Variants in EVL observed in about 807,000 individuals in gnomAD.
EVL encodes Enah/Vasp-like.
In EVL, 21 loss-of-function variants were observed where a neutral mutation model predicts 59.6. The observed-to-expected ratio is 0.35, with a 90% CI of 0.25 to 0.51. The LOEUF is 0.51. Ranked by LOEUF, EVL falls within the 20% of genes least tolerant of loss-of-function variation. The pLI, the probability that EVL is intolerant of heterozygous loss-of-function variation, is 0.97. For synonymous variants in EVL, 198 were observed against 203.5 expected, an observed-to-expected ratio of 0.97 and a Z score of 0.23; for missense variants, 462 against 546.6, an observed-to-expected ratio of 0.85 and a Z score of 1.54.
Position 100,047,683 on chromosome 14 carries a change from C to T in EVL, c.6-37004C>T, listed in dbSNP as rs2061576378. Reference sequence around the variant, plus strand: ...ATTTGTGTAGCCTGGGTTACACATTCTGCAACCTATATCACGGAATAAACC... The same window carrying T: ...ATTTGTGTAGCCTGGGTTACACATTTTGCAACCTATATCACGGAATAAACC... On this transcript the variant is annotated intron_variant, in intron 1 of 13. Coordinates refer to the EVL transcript ENST00000402714. 1.3e-5 allele frequency among the ~76,000 whole-genome samples: 2 copies of T among 152,170 alleles called. 1 individual carries two copies. Among genetic ancestry groups the T allele is most frequent in the South Asian group, 4.1e-4 (2 of 4,832 alleles).
Position 100,088,138 on chromosome 14 carries a change from G to A in EVL, c.180+3283G>A, listed in dbSNP as rs1049286764. Among the ~76,000 whole-genome samples, 29 of 152,350 alleles carry A rather than the reference G, an allele frequency of 1.9e-4. 1 individual carries two copies. In the East Asian group the frequency reaches 5.2e-3, roughly 27 times the overall value. Reference sequence around the variant, plus strand: ...CAAGCATACTGTTGAAAGATGGAAAGTGTTACATTGCCAGCCTGAGAGGTA... The same window carrying A: ...CAAGCATACTGTTGAAAGATGGAAAATGTTACATTGCCAGCCTGAGAGGTA... On this transcript the variant is annotated intron_variant, in intron 2 of 13. Transcript: ENST00000392920.
At chr14:100,119,562 G>T (rs1887565951) in intron 3 of EVL, among the ~76,000 whole-genome samples, 1 of 152,216 alleles carries the variant, frequency 6.6e-6, no homozygotes, top group South Asian at 2.1e-4. Flanking sequence ...AGCAAGGCTT[G>T]GGGGGCAGAG....
intron 1 of EVL, among the ~76,000 whole-genome samples, chr14:100,048,575 A>G (rs1485298421): frequency 6.6e-6 from 1 of 152,246 alleles, no homozygotes; most frequent in Non-Finnish European, 1.5e-5. Context: ...AGTTCCTTAT[A>G]AAGTTTTACA....
At chr14:100,044,755 A>G (rs1187918544) in intron 1 of EVL, among the ~76,000 whole-genome samples, 3 of 152,182 alleles carry the variant, frequency 2.0e-5, no homozygotes, top group Non-Finnish European at 4.4e-5. Context: ...CGCTGCCTGA[A>G]TGGACAGTGA....
chr14:99,985,214 A>C (rs1420685176), intron 1 of EVL, among the ~76,000 whole-genome samples: 1 of 151,942 alleles, frequency 6.6e-6, no homozygotes, highest in Non-Finnish European at 1.5e-5. Flanking sequence ...ATAAGCCTCA[A>C]GGAGTTTATA....
At position 100,109,542 on chromosome 14, in the gene EVL, T is replaced by C. The variant is rs1453661194; in HGVS notation, c.358+11884T>C. On this transcript the variant is annotated intron_variant, in intron 3 of 13. Transcript: ENST00000392920. This position sits in a 1 kb window ranked among gnomAD's most constrained non-coding sequence, Gnocchi z 4.3. ...CTGGTGACTGAACAAGCTCCCAGCT[T>C]GCGCCCATGTCATATTGTGTGCCTC... 1 of 471,480 alleles carries C rather than the reference T, an allele frequency of 2.1e-6. No individual in the cohort carries two copies. Among genetic ancestry groups the C allele is most frequent in the South Asian group, 1.5e-5 (1 of 64,610 alleles). The allele number at this position is 471,480 out of a possible 1,614,324, so 29.2% of individuals were successfully genotyped here. A position where few individuals can be genotyped will look rare whatever the true frequency, so the allele number is the denominator to read the frequency against.
At chr14:100,110,434 C>T (rs1324611995) in intron 3 of EVL, among the ~76,000 whole-genome samples, 1 of 151,590 alleles carries the variant, frequency 6.6e-6, no homozygotes, top group Non-Finnish European at 1.5e-5. Flanking sequence ...GCAGCCATCA[C>T]GTTGGGACAC....
At chr14:100,044,987 G>A (rs115176267) in intron 1 of EVL, among the ~76,000 whole-genome samples, 125 of 152,262 alleles carry the variant, frequency 8.2e-4, no homozygotes, top group African/African-American at 2.9e-3. Context: ...AAATACTGGA[G>A]CAAAAGCTAG....
At chr14:100,045,724 TC>T (rs1213574505) in intron 1 of EVL, among the ~76,000 whole-genome samples, 1 of 152,250 alleles carries the variant, frequency 6.6e-6, no homozygotes, top group Admixed American at 6.5e-5. Context: ...GTTTTTTTAA[TC>T]TCTGTCCTGC....
intron 1 of EVL, among the ~76,000 whole-genome samples, chr14:100,049,842 CT>C (rs1283576362): frequency 6.6e-6 from 1 of 152,188 alleles, no homozygotes; most frequent in Non-Finnish European, 1.5e-5. Flanking sequence ...CCCCAATCTA[CT>C]TTTTTCTCTA....
intron 8 of EVL, among the ~76,000 whole-genome samples, chr14:100,133,961 C>CA (rs1205283959): frequency 1.3e-5 from 2 of 150,574 alleles, no homozygotes; most frequent in African/African-American, 5.0e-5. Context: ...ACAACAACAA[C>CA]AAAAAAACAG....
chr14:100,016,929 T>C (rs2061055596), intron 1 of EVL, among the ~76,000 whole-genome samples: 3 of 152,148 alleles, frequency 2.0e-5, no homozygotes, highest in Non-Finnish European at 2.9e-5. Flanking sequence ...CCCAAAAGGG[T>C]CAGTGTCCTA....
chr14:100,012,890 CT>C (rs2061025819), intron 1 of EVL, among the ~76,000 whole-genome samples: 1 of 152,214 alleles, frequency 6.6e-6, no homozygotes, highest in South Asian at 2.1e-4. Flanking sequence ...AAGATTAGGA[CT>C]AAAACCAAGG....
At chr14:100,137,674 G>A (rs772386142) in intron 10 of EVL, 30 bp downstream of exon 10, 19 of 1,614,024 alleles carry the variant, frequency 1.2e-5, no homozygotes, top group Admixed American at 5.0e-5. Context: ...CCTGAGCAGC[G>A]AGGCTGGTGG....
intron 3 of EVL, 164 bp downstream of exon 3, chr14:100,097,822 T>C: frequency 1.7e-6 from 1 of 583,562 alleles, no homozygotes. Flanking sequence ...TTTAGAGATA[T>C]TAACAATTCA....
intron 1 of EVL, among the ~76,000 whole-genome samples, chr14:100,020,791 T>G (rs2061110319): frequency 6.6e-6 from 1 of 152,256 alleles, no homozygotes. Flanking sequence ...TCCCCTGCCC[T>G]TTTCAGTAAA....
At chr14:100,122,037 A>G (rs1887730733) in intron 3 of EVL, among the ~76,000 whole-genome samples, 1 of 152,248 alleles carries the variant, frequency 6.6e-6, no homozygotes, top group African/African-American at 2.4e-5. Context: ...GCCAGAGCCC[A>G]AAGCCTGTGC....
chr14:100,056,511 A>G (rs557371578), intron 1 of EVL, among the ~76,000 whole-genome samples: 1 of 152,144 alleles, frequency 6.6e-6, no homozygotes, highest in South Asian at 2.1e-4. Flanking sequence ...TCTGTTTCCC[A>G]TGGTAGAGGT....
At chr14:99,973,970 G>A (rs2060752830) in intron 1 of EVL, among the ~76,000 whole-genome samples, 1 of 151,832 alleles carries the variant, frequency 6.6e-6, no homozygotes, top group Non-Finnish European at 1.5e-5. Context: ...TCCAGTCTTC[G>A]CTTTGGAGTT....
Sources: allele counts gnomAD v4.1 joint callset (sites outside exome capture counted in the v4.1 genomes callset), GRCh38; gene constraint gnomAD v4.1.1; non-coding constraint Gnocchi (gnomAD v3.1); transcripts MANE v1.5; gene names NCBI Gene and HGNC (gene_info 2026-07-23, HGNC 2026-07-21).